Variants in SLIT3 observed in about 807,000 individuals in gnomAD.
SLIT3 encodes slit homolog 3 protein.
In SLIT3, 68 loss-of-function variants were observed where a neutral mutation model predicts 184.0. The ratio of observed to expected loss-of-function variants is 0.37; its 90% confidence interval spans 0.30 to 0.45. The LOEUF is 0.45. Among genes scored for constraint, SLIT3 ranks in the 20% least tolerant of loss-of-function variants. The pLI is 1.00. For missense variants in SLIT3, 1,707 were observed against 2,026.0 expected, an observed-to-expected ratio of 0.84 and a Z score of 3.02; for synonymous variants, 831 against 828.6, an observed-to-expected ratio of 1.00 and a Z score of -0.05.
intron 3 of SLIT3, among the ~76,000 whole-genome samples, chr5:169,209,795 G>A (rs76836989): frequency 0.052 from 7,842 of 152,088 alleles, 226 homozygotes; most frequent in South Asian, 0.12. Flanking sequence ...AGGATCTGTC[G>A]GGGGTAGGGG....
intron 18 of SLIT3, among the ~76,000 whole-genome samples, chr5:168,751,358 A>G (rs911255762): frequency 1.3e-5 from 2 of 152,242 alleles, no homozygotes; most frequent in Admixed American, 6.5e-5. Flanking sequence ...TAAGGATAAC[A>G]GAGCCACATG....
intron 3 of SLIT3, among the ~76,000 whole-genome samples, chr5:169,222,986 A>C (rs1764667138): frequency 6.6e-6 from 1 of 152,192 alleles, no homozygotes; most frequent in African/African-American, 2.4e-5. Flanking sequence ...GAGAAACTAG[A>C]CGCTACATGG....
chr5:168,741,104 C>A (rs1763620369), intron 20 of SLIT3, among the ~76,000 whole-genome samples: 1 of 152,186 alleles, frequency 6.6e-6, no homozygotes, highest in Non-Finnish European at 1.5e-5. Flanking sequence ...TCCCTTCCTT[C>A]CCCTGGGCTG....
intron 4 of SLIT3, among the ~76,000 whole-genome samples, chr5:168,895,702 C>T (rs1033102629): frequency 6.6e-6 from 1 of 152,170 alleles, no homozygotes; most frequent in Non-Finnish European, 1.5e-5. Flanking sequence ...CCATTCAAAG[C>T]AATTACAGTT....
chr5:169,017,071 G>C (rs1204597433), intron 4 of SLIT3, among the ~76,000 whole-genome samples: 2 of 152,184 alleles, frequency 1.3e-5, no homozygotes, highest in Non-Finnish European at 2.9e-5. Flanking sequence ...GAAAGCAACT[G>C]CTTTAAATCC....
intron 1 of SLIT3, among the ~76,000 whole-genome samples, chr5:169,292,311 T>C (rs1767384531): frequency 6.6e-6 from 1 of 152,186 alleles, no homozygotes. Flanking sequence ...TCATATCCTG[T>C]GTTGGTGAGA....
intron 1 of SLIT3, among the ~76,000 whole-genome samples, chr5:169,291,645 C>T (rs886983920): frequency 6.6e-6 from 1 of 152,210 alleles, no homozygotes; most frequent in African/African-American, 2.4e-5. Flanking sequence ...CATTGACATT[C>T]TTCTTGATGC....
intron 4 of SLIT3, among the ~76,000 whole-genome samples, chr5:168,991,738 A>T (rs985525546): frequency 2.6e-5 from 4 of 152,188 alleles, no homozygotes; most frequent in African/African-American, 9.7e-5. Flanking sequence ...TACCCCAGAG[A>T]CTGGAGAGGA....
chr5:168,685,438 A>G (rs373733029), intron 31 of SLIT3, among the ~76,000 whole-genome samples: 1 of 152,214 alleles, frequency 6.6e-6, no homozygotes, highest in Non-Finnish European at 1.5e-5. Context: ...CTGGTGTACA[A>G]TAGTTGAATG....
chr5:168,924,293 C>T (rs1761735587), intron 4 of SLIT3, among the ~76,000 whole-genome samples: 1 of 152,192 alleles, frequency 6.6e-6, no homozygotes, highest in South Asian at 2.1e-4. Context: ...CAGGGCACTC[C>T]TAGCCCCCAG....
At chr5:169,157,900 C>T (rs144052745) in intron 4 of SLIT3, among the ~76,000 whole-genome samples, 45 of 151,014 alleles carry the variant, frequency 3.0e-4, no homozygotes, top group Middle Eastern at 6.9e-3. Flanking sequence ...TGGGTTCCAC[C>T]GTAAAATTGA....
intron 4 of SLIT3, among the ~76,000 whole-genome samples, chr5:169,040,116 A>C (rs1337743012): frequency 6.6e-6 from 1 of 152,234 alleles, no homozygotes; most frequent in East Asian, 1.9e-4. Context: ...CACAACACGT[A>C]ATCTAATTCC....
intron 3 of SLIT3, among the ~76,000 whole-genome samples, chr5:169,210,851 C>T (rs532150876): frequency 2.6e-5 from 4 of 152,164 alleles, no homozygotes; most frequent in South Asian, 2.1e-4. Context: ...AGGGTTTGGC[C>T]GTGTGATTTT....
chr5:168,963,547 C>G (rs1443933600), intron 4 of SLIT3, among the ~76,000 whole-genome samples: 1 of 152,222 alleles, frequency 6.6e-6, no homozygotes, highest in Admixed American at 6.5e-5. Context: ...GTGACAGGGA[C>G]TATTCTAAGC....
At chr5:169,018,657 GTCTT>G (rs1158657741) in intron 4 of SLIT3, 1 of 152,152 alleles carries the variant, frequency 6.6e-6, no homozygotes, top group Non-Finnish European at 1.5e-5. Flanking sequence ...TTTTTTCTCT[GTCTT>G]ATCTCCGAGT....
At chr5:169,157,602 T>C (rs1762350802) in intron 4 of SLIT3, among the ~76,000 whole-genome samples, 1 of 152,104 alleles carries the variant, frequency 6.6e-6, no homozygotes, top group South Asian at 2.1e-4. Context: ...AAACAGAAGA[T>C]TCAATAAGAT....
intron 4 of SLIT3, among the ~76,000 whole-genome samples, chr5:168,903,371 C>A (rs1760933602): frequency 6.6e-6 from 1 of 152,180 alleles, no homozygotes; most frequent in Non-Finnish European, 1.5e-5. Flanking sequence ...GCACAGTTTT[C>A]CCTGTCAGGG....
chr5:169,229,931 C>G (rs995214425), intron 3 of SLIT3, among the ~76,000 whole-genome samples: 1 of 152,142 alleles, frequency 6.6e-6, no homozygotes, highest in Admixed American at 6.5e-5. Flanking sequence ...TACAGCCATT[C>G]TTCTCAATGA....
intron 18 of SLIT3, among the ~76,000 whole-genome samples, chr5:168,750,482 C>A (rs1307663974): frequency 6.6e-6 from 1 of 152,206 alleles, no homozygotes; most frequent in Non-Finnish European, 1.5e-5. Flanking sequence ...GATGATACAG[C>A]AATGAAGGGC....
Sources: gnomAD v4.1 joint callset for allele counts (sites outside exome capture counted in the v4.1 genomes callset) on GRCh38, gnomAD v4.1.1 for gene constraint, MANE v1.5 for transcripts, NCBI Gene and HGNC (gene_info 2026-07-23, HGNC 2026-07-21) for gene names.